Variants in DMBX1 observed in about 807,000 individuals in gnomAD.
The protein encoded by DMBX1 is diencephalon/mesencephalon homeobox 1.
A neutral mutation model predicts 30.4 loss-of-function variants in DMBX1; 7 were observed. The observed-to-expected ratio is 0.23, with a 90% CI of 0.13 to 0.43. The LOEUF is 0.43. Among genes scored for constraint, DMBX1 ranks in the 20% least tolerant of loss-of-function variants. The pLI, the probability that DMBX1 is intolerant of heterozygous loss-of-function variation, is 1.00. For missense variants in DMBX1, 460 were observed against 508.5 expected, an observed-to-expected ratio of 0.90 and a Z score of 0.92; for synonymous variants, 222 against 214.2, an observed-to-expected ratio of 1.04 and a Z score of -0.32.
chr1:46,492,569 T>C (rs1665949440), intron 2 of DMBX1, among the ~76,000 whole-genome samples: 1 of 152,026 alleles, frequency 6.6e-6, no homozygotes, highest in South Asian at 2.1e-4. Flanking sequence ...TCGGTGGTTT[T>C]TGAGGGAAAG....
At chr1:46,495,003 C>T (rs1569879706) in intron 2 of DMBX1, among the ~76,000 whole-genome samples, 1 of 152,162 alleles carries the variant, frequency 6.6e-6, no homozygotes, top group Non-Finnish European at 1.5e-5. Context: ...TAGTCTGTGA[C>T]AAGGTCAGGG....
chr1:46,502,889 A>AAAAC (rs1553186862), intron 2 of DMBX1, among the ~76,000 whole-genome samples: 2 of 152,146 alleles, frequency 1.3e-5, no homozygotes, highest in African/African-American at 4.8e-5. Context: ...CAGAAATAAA[A>AAAAC]AAAACAAAAC....
At chr1:46,502,695 T>A (rs769456469) in intron 2 of DMBX1, among the ~76,000 whole-genome samples, 1 of 152,132 alleles carries the variant, frequency 6.6e-6, no homozygotes, top group Non-Finnish European at 1.5e-5. Context: ...GAGACCAGCC[T>A]GGACAACATA....
At chr1:46,499,881 T>C (rs1666091340) in intron 2 of DMBX1, among the ~76,000 whole-genome samples, 1 of 152,222 alleles carries the variant, frequency 6.6e-6, no homozygotes, top group Admixed American at 6.5e-5. Flanking sequence ...ACAGAGTGTG[T>C]TCAGTACATT....
chr1:46,512,655 G>A lies in DMBX1; in HGVS notation c.*161G>A. 3.9e-6 allele frequency: 3 copies of A among 772,788 alleles called. No homozygotes were observed. The highest frequency in any genetic ancestry group is 6.1e-6 in the Non-Finnish European group (3 of 495,262). The allele number at this position is 772,788 out of a possible 1,614,324, so 47.9% of individuals were successfully genotyped here. On this transcript the variant is annotated 3_prime_UTR_variant, in exon 6 of 6. Transcript: ENST00000360032. The surrounding 1 kb of genome is among the most constrained non-coding windows in gnomAD (Gnocchi z 4.8). ...TCCCCATACCCCAGCCCGAGGTGAA[G>A]CCCACACCTACACACCCTCTGCATG...
chr1:46,515,826 C>T lies in DMBX1; in HGVS notation c.*3332C>T, dbSNP rs140617577. ...GAGGCTCAAGCTCTGACTGTCCCTT[C>T]CAGGAATGCCTCATGCCTGGCCTCT... On this transcript the variant is annotated 3_prime_UTR_variant, in exon 6 of 6. Coordinates refer to ENST00000360032, the MANE Select transcript of DMBX1 (RefSeq NM_172225.2). Among the ~76,000 whole-genome samples the T allele has an allele frequency of 3.4e-3, 525 of 152,344 alleles. 7 individuals carry two copies. The highest frequency in any genetic ancestry group is 8.3e-3 in the Admixed American group (127 of 15,308).
chr1:46,509,790 C>T (rs367550598), intron 3 of DMBX1, among the ~76,000 whole-genome samples: 10 of 152,250 alleles, frequency 6.6e-5, no homozygotes, highest in African/African-American at 1.9e-4. Flanking sequence ...TTACCTGAGA[C>T]GTGAGCCCTG....
In DMBX1 at chr1:46,512,229, C is replaced by T; in HGVS notation, c.869C>T (p.Ala290Val). ...SFEVGGPAPA[A>V]AAAAAAVPYL... ...GAAGTAGGGGGTCCGGCCCCTGCTG[C>T]TGCAGCGGCGGCTGCTGCTGTGCCC... is the stretch of plus-strand genomic sequence containing the variant. The change falls in exon 6 of 6, where the codon GCT becomes GTT. Residue 290 changes from alanine to valine, a missense_variant. Around this residue, in one of 3 missense-constraint regions of DMBX1, gnomAD observed 334 missense variants for 345.1 expected, o/e 0.97. Transcript: ENST00000360032. The surrounding 1 kb of genome is among the most constrained non-coding windows in gnomAD (Gnocchi z 4.8). 6.2e-7 allele frequency: 1 copy of T among 1,613,924 alleles called. No individual in the cohort carries two copies. The highest frequency in any genetic ancestry group is 1.1e-5 in the South Asian group (1 of 91,086).
intron 2 of DMBX1, among the ~76,000 whole-genome samples, chr1:46,495,418 G>T (rs1666008791): frequency 6.6e-6 from 1 of 152,220 alleles, no homozygotes; most frequent in Admixed American, 6.5e-5. Flanking sequence ...TCCCGGCTAA[G>T]CTGCTTAGCT....
Position 46,513,158 on chromosome 1 carries a change from T to C in DMBX1, c.*664T>C, listed in dbSNP as rs1446505253. On this transcript the variant is annotated 3_prime_UTR_variant, in exon 6 of 6. Coordinates refer to ENST00000360032, the MANE Select transcript of DMBX1 (RefSeq NM_172225.2). ...GTGTTGGCTGTGTTGGTATCATCAG[T>C]TCTTGAGCTATATTTTGTTTGGGGT... 1 of 152,666 alleles carries C rather than the reference T, an allele frequency of 6.6e-6. No individual in the cohort carries two copies. Among genetic ancestry groups the C allele is most frequent in the Admixed American group, 6.5e-5 (1 of 15,280 alleles). The allele number at this position is 152,666 out of a possible 1,614,324, so 9.5% of individuals were successfully genotyped here.
chr1:46,500,455 G>A (rs1666102068), intron 2 of DMBX1, among the ~76,000 whole-genome samples: 1 of 151,966 alleles, frequency 6.6e-6, no homozygotes, highest in Non-Finnish European at 1.5e-5. Flanking sequence ...TCTAAACTCT[G>A]TTCCCCCTTC....
At chr1:46,503,908 G>T (rs1453205166) in intron 2 of DMBX1, among the ~76,000 whole-genome samples, 1 of 152,228 alleles carries the variant, frequency 6.6e-6, no homozygotes, top group East Asian at 1.9e-4. Flanking sequence ...TGCAGACTGG[G>T]TGAGGGTCCG....
intron 2 of DMBX1, among the ~76,000 whole-genome samples, chr1:46,494,990 G>A (rs1295147810): frequency 1.3e-5 from 2 of 152,210 alleles, no homozygotes; most frequent in African/African-American, 2.4e-5. Flanking sequence ...TGAGGTTAGA[G>A]CTTAGTCTGT....
chr1:46,495,270 G>A (rs1426347054), intron 2 of DMBX1, among the ~76,000 whole-genome samples: 1 of 152,200 alleles, frequency 6.6e-6, no homozygotes, highest in Admixed American at 6.5e-5. Flanking sequence ...TTTATTTGTG[G>A]AATGAATGTC....
At chr1:46,494,419 A>G (rs1345362278) in intron 2 of DMBX1, among the ~76,000 whole-genome samples, 6 of 152,238 alleles carry the variant, frequency 3.9e-5, no homozygotes, top group Non-Finnish European at 8.8e-5. Flanking sequence ...GTCTCGGCCC[A>G]TTAGCCTGCG....
Position 46,500,730 on chromosome 1 carries a change from TA to T in DMBX1, c.-12-6268del, listed in dbSNP as rs141321507. ...GATCGTATCATGCATACTGCTTTGT[TA>T]CCTATTTCCCCCACTCAACAGTATA... On this transcript the variant is annotated intron_variant, in intron 2 of 5. Transcript: ENST00000360032. 5.5e-3 allele frequency among the ~76,000 whole-genome samples: 844 copies of T among 152,324 alleles called. 12 individuals are homozygous for T. Among genetic ancestry groups the T allele is most frequent in the East Asian group, 0.055 (285 of 5,190 alleles).
Position 46,493,080 on chromosome 1 carries a change from C to G in DMBX1, c.-13+2297C>G, listed in dbSNP as rs1665961707. 6.6e-6 allele frequency among the ~76,000 whole-genome samples: 1 copy of G among 152,178 alleles called. No homozygotes were observed. The highest frequency in any genetic ancestry group is 2.4e-5 in the African/African-American group (1 of 41,438). ...GAGCCAGTCTTCACCTCCCCCACCCCTGCCTTCCCATTTCGCCCCCCACCC... is the reference window on the plus strand; with the variant it reads ...GAGCCAGTCTTCACCTCCCCCACCCGTGCCTTCCCATTTCGCCCCCCACCC... On this transcript the variant is annotated intron_variant, in intron 2 of 5. Coordinates refer to ENST00000360032, the MANE Select transcript of DMBX1 (RefSeq NM_172225.2). This position sits in a 1 kb window ranked among gnomAD's most constrained non-coding sequence, Gnocchi z 4.1.
At chr1:46,498,396 G>A (rs1666064170) in intron 2 of DMBX1, among the ~76,000 whole-genome samples, 1 of 152,196 alleles carries the variant, frequency 6.6e-6, no homozygotes, top group Non-Finnish European at 1.5e-5. Context: ...CAGGCTCTGT[G>A]CTAAATGTTG....
intron 2 of DMBX1, among the ~76,000 whole-genome samples, 27 bp downstream of exon 2, chr1:46,490,810 A>C (rs1557782776): frequency 6.6e-6 from 1 of 152,184 alleles, no homozygotes; most frequent in African/African-American, 2.4e-5. Flanking sequence ...CAGTGGCCCT[A>C]GTTCCCTAGA....
Sources: gnomAD v4.1 joint callset for allele counts (sites outside exome capture counted in the v4.1 genomes callset) on GRCh38, gnomAD v4.1.1 for gene constraint, gnomAD v4.1.1 regional missense constraint, Gnocchi (gnomAD v3.1) non-coding constraint, MANE v1.5 for transcripts, NCBI Gene and HGNC (gene_info 2026-07-23, HGNC 2026-07-21) for gene names.